The following PLCL1 variants were observed in gnomAD, a reference collection of about 807,000 sequenced individuals.
PLCL1 encodes inactive phospholipase C-like protein 1.
PLCL1 carries 41 observed loss-of-function variants against 84.4 expected under a neutral mutation model. The ratio of observed to expected loss-of-function variants is 0.49; its 90% CI spans 0.38 to 0.63. The LOEUF (loss-of-function observed/expected upper bound fraction) is 0.63, where lower values mean the gene tolerates loss of function less well. PLCL1 is among the 30% of genes least tolerant of loss of function. PLCL1 has a pLI of 0.00. For missense variants in PLCL1, 1,206 were observed against 1,367.8 expected (o/e 0.88, Z 1.87); for synonymous variants, 490 against 488.3 (o/e 1.00, Z -0.05).
Position 197,828,898 on chromosome 2 carries a change from T to C in PLCL1, c.240+23559T>C, listed in dbSNP as rs116264341. Among the ~76,000 whole-genome samples, 1,087 of 152,308 alleles carry C rather than the reference T, an allele frequency of 7.1e-3. 11 individuals carry two copies. The highest frequency in any genetic ancestry group is 0.025 in the African/African-American group (1,039 of 41,578). ...TCCTCTTGAATCCATTGCAGTTCTTTACACAGGCTGCCAGCTGATTGTGTA... is the reference window on the plus strand; with the variant it reads ...TCCTCTTGAATCCATTGCAGTTCTTCACACAGGCTGCCAGCTGATTGTGTA... On this transcript the variant is annotated intron_variant, in intron 1 of 5. Coordinates refer to ENST00000428675, the MANE Select transcript of PLCL1 (RefSeq NM_006226.4).
intron 1 of PLCL1, among the ~76,000 whole-genome samples, chr2:198,050,793 C>T (rs568958075): frequency 1.3e-5 from 2 of 152,262 alleles, no homozygotes; most frequent in South Asian, 2.1e-4. Context: ...TCTCCTTTGC[C>T]TCTTCTTTCC....
chr2:197,961,827 A>T (rs1443159550), intron 1 of PLCL1, among the ~76,000 whole-genome samples: 1 of 152,044 alleles, frequency 6.6e-6, no homozygotes, highest in Non-Finnish European at 1.5e-5. Flanking sequence ...AAAGGATGAG[A>T]TATTTCCTGC....
At chr2:198,091,685 AAAAATAAAAT>A (rs567680554) in intron 3 of PLCL1, among the ~76,000 whole-genome samples, 15,342 of 117,824 alleles carry the variant, frequency 0.13, 1,281 homozygotes, top group Middle Eastern at 0.24. Flanking sequence ...ATCTCAAATA[AAAAATAAAAT>A]AAAATAAAAT....
At chr2:198,111,835 T>A (rs1423647385) in intron 5 of PLCL1, among the ~76,000 whole-genome samples, 1 of 151,876 alleles carries the variant, frequency 6.6e-6, no homozygotes, top group Non-Finnish European at 1.5e-5. Flanking sequence ...TTGTATTAAC[T>A]GAGCACTTTC....
At chr2:198,041,166 G>A (rs1691653811) in intron 1 of PLCL1, among the ~76,000 whole-genome samples, 1 of 152,162 alleles carries the variant, frequency 6.6e-6, no homozygotes. Context: ...TTGCAGGAAT[G>A]GCTTGGGAGA....
chr2:197,879,036 G>C (rs1284461941), intron 1 of PLCL1, among the ~76,000 whole-genome samples: 1 of 152,206 alleles, frequency 6.6e-6, no homozygotes, highest in African/African-American at 2.4e-5. Context: ...AGGGGCAGTT[G>C]TCTTCCTCCC....
At chr2:197,850,852 A>G (rs1308158415) in intron 1 of PLCL1, among the ~76,000 whole-genome samples, 8 of 152,210 alleles carry the variant, frequency 5.3e-5, no homozygotes, top group Admixed American at 6.5e-5. Context: ...AAATGAGGCT[A>G]CCATAAATCC....
chr2:197,902,290 A>G (rs780132007), intron 1 of PLCL1, among the ~76,000 whole-genome samples: 1 of 152,142 alleles, frequency 6.6e-6, no homozygotes, highest in African/African-American at 2.4e-5. Context: ...GTTCCAACCA[A>G]TGTCTTAGTT....
intron 3 of PLCL1, among the ~76,000 whole-genome samples, chr2:198,096,249 G>T (rs1693190209): frequency 6.6e-6 from 1 of 152,170 alleles, no homozygotes; most frequent in Non-Finnish European, 1.5e-5. Context: ...TGGAGTCTTA[G>T]ATCATTTAGT....
chr2:198,033,915 CTG>C (rs35514871), intron 1 of PLCL1, among the ~76,000 whole-genome samples: 2 of 151,450 alleles, frequency 1.3e-5, no homozygotes, highest in African/African-American at 2.4e-5. Context: ...CCTCGTGTTT[CTG>C]TGTGTGTGTG....
intron 1 of PLCL1, among the ~76,000 whole-genome samples, chr2:197,841,989 G>A (rs1687013467): frequency 6.6e-6 from 1 of 152,112 alleles, no homozygotes; most frequent in Non-Finnish European, 1.5e-5. Context: ...GGTAAAAACT[G>A]CTCAGAAGGT....
chr2:198,023,793 T>C (rs564860696), intron 1 of PLCL1, among the ~76,000 whole-genome samples: 1 of 152,268 alleles, frequency 6.6e-6, no homozygotes, highest in South Asian at 2.1e-4. Context: ...TTTTACCCTG[T>C]TGGTGGGAGT....
rs180900424 is a variant in PLCL1, at chr2:197,886,786, T to A, written c.240+81447T>A. Among the ~76,000 whole-genome samples the A allele has an allele frequency of 4.1e-3, 623 of 152,298 alleles. 2 individuals are homozygous for A. The highest frequency in any genetic ancestry group is 0.014 in the African/African-American group (599 of 41,568). ...TGCATTTTGATAGAGAATTCTTCAA[T>A]CCATCATAAAGTTTTCTTTTGAGGA... On this transcript the variant is annotated intron_variant, in intron 1 of 5. Coordinates refer to ENST00000428675, the MANE Select transcript of PLCL1 (RefSeq NM_006226.4).
chr2:197,915,949 G>C (rs1212214345), intron 1 of PLCL1, among the ~76,000 whole-genome samples: 1 of 152,192 alleles, frequency 6.6e-6, no homozygotes, highest in African/African-American at 2.4e-5. Context: ...GTTAGCATCA[G>C]ACAATATACC....
chr2:198,144,579 C>A (rs541416334), intron 5 of PLCL1, among the ~76,000 whole-genome samples: 10 of 152,260 alleles, frequency 6.6e-5, no homozygotes, highest in African/African-American at 2.4e-4. Context: ...ATAAAGAGCT[C>A]TTCAACATAT....
rs1692797544 is a variant in PLCL1, at chr2:198,084,292, A to G, written c.775A>G (p.Met259Val). ...AGCAGATGTTGATGGGAATGGGATT[A>G]TGTTGGAAGACACCTCTGTAGAGTT... is the stretch of plus-strand genomic sequence containing the variant. ...EAADVDGNGIMLEDTSVELIK... is the reference protein window; with the variant it reads ...EAADVDGNGIVLEDTSVELIK... Residue 259 changes from methionine to valine, a missense_variant, in exon 2 of 6, where the codon ATG becomes GTG. Coordinates refer to ENST00000428675, the MANE Select transcript of PLCL1 (RefSeq NM_006226.4). 6.2e-7 allele frequency: 1 copy of G among 1,614,018 alleles called. No individual in the cohort carries two copies. The highest frequency in any genetic ancestry group is 1.3e-5 in the African/African-American group (1 of 74,936).
rs566259463 is a variant in PLCL1 at position 197,831,630 on chromosome 2, A to G, written c.240+26291A>G. Among the ~76,000 whole-genome samples the G allele has an allele frequency of 2.3e-4, 35 of 152,212 alleles. No individual in the cohort carries two copies. The South Asian group carries it at 7.3e-3, about 32-fold the overall frequency. On this transcript the variant is annotated intron_variant, in intron 1 of 5. Coordinates refer to ENST00000428675, the MANE Select transcript of PLCL1 (RefSeq NM_006226.4). ...GATCAACGAGACAGAAAATTAACAA[A>G]TATATTCAGGACTTGAACTCAGCTC...
At chr2:197,854,998 C>T (rs1687303948) in intron 1 of PLCL1, among the ~76,000 whole-genome samples, 1 of 152,172 alleles carries the variant, frequency 6.6e-6, no homozygotes, top group Admixed American at 6.6e-5. Flanking sequence ...CTGAAATGGT[C>T]AGTCACTAGG....
intron 1 of PLCL1, among the ~76,000 whole-genome samples, chr2:198,055,891 C>T (rs1184396438): frequency 1.3e-5 from 2 of 152,310 alleles, no homozygotes; most frequent in South Asian, 2.1e-4. Flanking sequence ...TGGAACCTGA[C>T]ATGCTGGCAG....
Sources: gnomAD v4.1 joint callset for allele counts (sites outside exome capture counted in the v4.1 genomes callset) on GRCh38, gnomAD v4.1.1 for gene constraint, MANE v1.5 for transcripts, NCBI Gene and HGNC (gene_info 2026-07-23, HGNC 2026-07-21) for gene names.